The following ST7 variants were observed in gnomAD, a reference collection of about 807,000 sequenced individuals.
ST7 encodes the protein suppressor of tumorigenicity 7 protein.
ST7 carries 28 observed loss-of-function variants against 78.7 expected under a neutral mutation model. The ratio of observed to expected loss-of-function variants is 0.36; its 90% CI spans 0.26 to 0.49. The LOEUF (loss-of-function observed/expected upper bound fraction) is 0.49. Ranked by LOEUF, ST7 falls within the 20% of genes least tolerant of loss-of-function variation. The pLI, the probability that ST7 is intolerant of heterozygous loss-of-function variation, is 0.99. For missense variants in ST7, 418 were observed against 696.0 expected (o/e 0.60, Z 4.49); for synonymous variants, 247 against 249.6 (o/e 0.99, Z 0.10).
intron 1 of ST7, among the ~76,000 whole-genome samples, chr7:117,078,422 T>C (rs75353670): frequency 0.01 from 1,564 of 152,360 alleles, 37 homozygotes; most frequent in African/African-American, 0.036. Flanking sequence ...GTGAAACAGA[T>C]GAATAGCATG....
chr7:117,141,950 C>T (rs1245759382), intron 9 of ST7, among the ~76,000 whole-genome samples: 1 of 151,550 alleles, frequency 6.6e-6, no homozygotes, highest in Non-Finnish European at 1.5e-5. Context: ...GATTACTGGC[C>T]TTGCATGCTG....
chr7:117,120,007 C>T (rs1803235726), intron 3 of ST7, among the ~76,000 whole-genome samples: 1 of 151,904 alleles, frequency 6.6e-6, no homozygotes, highest in African/African-American at 2.4e-5. Context: ...TGGCTCACTG[C>T]AGTCTTCACC....
At chr7:117,053,308 C>G (rs572325993) in intron 1 of ST7, among the ~76,000 whole-genome samples, 1 of 152,218 alleles carries the variant, frequency 6.6e-6, no homozygotes, top group African/African-American at 2.4e-5. Flanking sequence ...AGTCTCCTGG[C>G]AAGCCATTTC....
intron 1 of ST7, chr7:116,967,370 G>A: frequency 2.1e-6 from 1 of 471,216 alleles, no homozygotes; most frequent in Non-Finnish European, 4.4e-6. Flanking sequence ...GGCTCCTGGT[G>A]CTTAGGACTG....
At chr7:117,228,298 T>G (rs1327611282) in intron 15 of ST7, among the ~76,000 whole-genome samples, 2 of 152,210 alleles carry the variant, frequency 1.3e-5, no homozygotes, top group Non-Finnish European at 2.9e-5. Flanking sequence ...CCTATCTCAT[T>G]ATTAGTTTGC....
intron 10 of ST7, chr7:117,184,172 T>G (rs1315911178): frequency 6.6e-6 from 1 of 152,236 alleles, no homozygotes; most frequent in Non-Finnish European, 1.5e-5. Context: ...GGAAGAAAAA[T>G]TAATGCCAGC....
At chr7:117,143,749 C>A (rs1428474475) in intron 9 of ST7, among the ~76,000 whole-genome samples, 1 of 152,080 alleles carries the variant, frequency 6.6e-6, no homozygotes, top group African/African-American at 2.4e-5. Flanking sequence ...CAGGATTAAA[C>A]GGGATAATTC....
chr7:116,957,214 T>C (rs1323028117), intron 1 of ST7: 1 of 153,466 alleles, frequency 6.5e-6, no homozygotes, highest in Non-Finnish European at 1.4e-5. Context: ...AGGGATATAG[T>C]TCAAAGAATT....
chr7:117,101,490 C>T (rs1201245887), intron 2 of ST7, among the ~76,000 whole-genome samples: 1 of 152,128 alleles, frequency 6.6e-6, no homozygotes, highest in African/African-American at 2.4e-5. Context: ...TCCCTGAGTT[C>T]GTTGTTTTCA....
intron 13 of ST7, among the ~76,000 whole-genome samples, chr7:117,218,303 A>T (rs142234148): frequency 6.6e-6 from 1 of 152,312 alleles, no homozygotes; most frequent in Non-Finnish European, 1.5e-5. Flanking sequence ...CTCCGTGAGT[A>T]CTGTTCATAG....
intron 1 of ST7, among the ~76,000 whole-genome samples, chr7:117,013,384 AG>A (rs1795463054): frequency 6.6e-6 from 1 of 152,258 alleles, no homozygotes; most frequent in African/African-American, 2.4e-5. Flanking sequence ...TAAATGAGAT[AG>A]GCTCACTTAG....
chr7:116,987,874 C>T (rs1794254501), intron 1 of ST7, among the ~76,000 whole-genome samples: 1 of 152,198 alleles, frequency 6.6e-6, no homozygotes, highest in African/African-American at 2.4e-5. Context: ...CAGACGCCTA[C>T]CACCATGCCC....
At chr7:116,993,605 A>G (rs1036468142) in intron 1 of ST7, among the ~76,000 whole-genome samples, 1 of 152,268 alleles carries the variant, frequency 6.6e-6, no homozygotes, top group African/African-American at 2.4e-5. Context: ...GAGCTCCTTG[A>G]GAACAGAAAT....
chr7:117,165,331 A>G (rs953645302), intron 9 of ST7, among the ~76,000 whole-genome samples: 1 of 152,116 alleles, frequency 6.6e-6, no homozygotes, highest in Non-Finnish European at 1.5e-5. Flanking sequence ...ACTTCTCTAG[A>G]CCATCTATTC....
chr7:117,172,072 T>G (rs1808035934), intron 10 of ST7, among the ~76,000 whole-genome samples: 1 of 151,924 alleles, frequency 6.6e-6, no homozygotes, highest in East Asian at 2.0e-4. Flanking sequence ...TGCTTCAGCC[T>G]CCCAAGTGAC....
intron 12 of ST7, among the ~76,000 whole-genome samples, chr7:117,202,779 A>T (rs753463949): frequency 4.6e-5 from 7 of 152,192 alleles, no homozygotes; most frequent in Non-Finnish European, 7.3e-5. Flanking sequence ...TAGGAGAGCC[A>T]GGAGGGTTCC....
intron 1 of ST7, among the ~76,000 whole-genome samples, chr7:117,096,262 A>G (rs1292926456): frequency 6.6e-6 from 1 of 152,070 alleles, no homozygotes; most frequent in Non-Finnish European, 1.5e-5. Flanking sequence ...AGTTTGGGCT[A>G]TAGTTTGCAG....
chr7:117,122,264 A>G (rs1446708265), intron 3 of ST7, among the ~76,000 whole-genome samples: 1 of 152,216 alleles, frequency 6.6e-6, no homozygotes, highest in Non-Finnish European at 1.5e-5. Context: ...CAAAGTTGCC[A>G]AGTAGCTCAT....
At chr7:116,969,219 T>C (rs562838103) in intron 1 of ST7, among the ~76,000 whole-genome samples, 1 of 152,362 alleles carries the variant, frequency 6.6e-6, no homozygotes, top group African/African-American at 2.4e-5. Context: ...TGGCAGTTTT[T>C]CAGACTTTCC....
Sources: allele counts gnomAD v4.1 joint callset (sites outside exome capture counted in the v4.1 genomes callset), GRCh38; gene constraint gnomAD v4.1.1; transcripts MANE v1.5; gene names NCBI Gene and HGNC (gene_info 2026-07-23, HGNC 2026-07-21).